DOCK3: variants seen among roughly 807,000 people sequenced by gnomAD.
DOCK3 encodes the protein dedicator of cytokinesis protein 3.
In DOCK3, 60 loss-of-function variants were observed where a neutral mutation model predicts 265.6. That is an observed-to-expected ratio of 0.23 (90% confidence interval 0.18 to 0.28). DOCK3 has a LOEUF of 0.28. DOCK3 is among the 10% of genes least tolerant of loss of function. The pLI, the probability that DOCK3 is intolerant of heterozygous loss-of-function variation, is 1.00. For missense variants in DOCK3, 1,981 were observed against 2,594.3 expected (o/e 0.76, Z 5.14); for synonymous variants, 881 against 938.0 (o/e 0.94, Z 1.11).
rs545875754 is a variant in DOCK3 at position 51,342,330 on chromosome 3, G to A, written c.3915+945G>A. On this transcript the variant is annotated intron_variant, in intron 38 of 52. Transcript: ENST00000266037. ...GGTAAGCAAGAACCTTTCCAAAAGC[G>A]CAGAAACTCTTATGTAACCTAGCCC... 7.2e-5 allele frequency among the ~76,000 whole-genome samples: 11 copies of A among 152,280 alleles called. No individual in the cohort carries two copies. The South Asian group carries it at 1.0e-3, about 14-fold the overall frequency.
At chr3:51,164,149 G>A (rs928408993) in intron 12 of DOCK3, among the ~76,000 whole-genome samples, 2 of 152,082 alleles carry the variant, frequency 1.3e-5, no homozygotes, top group East Asian at 3.8e-4. Flanking sequence ...CATTTAACAC[G>A]TCAATTTGGT....
At chr3:50,710,964 A>G (rs2036725195) in intron 1 of DOCK3, among the ~76,000 whole-genome samples, 1 of 152,210 alleles carries the variant, frequency 6.6e-6, no homozygotes, top group Non-Finnish European at 1.5e-5. Context: ...TGAGGATGTA[A>G]AGACATAAGA....
intron 5 of DOCK3, among the ~76,000 whole-genome samples, chr3:51,007,085 T>C (rs999411976): frequency 2.0e-5 from 3 of 152,182 alleles, no homozygotes; most frequent in African/African-American, 4.8e-5. Flanking sequence ...AATAAACATA[T>C]GTGTGCATGT....
At position 51,228,749 on chromosome 3, in the gene DOCK3, C is replaced by A. The variant is rs762439178; in HGVS notation, c.1736C>A (p.Pro579His). The A allele has an allele frequency of 1.2e-6, 2 of 1,613,976 alleles. No homozygotes were observed. The highest frequency in any genetic ancestry group is 1.7e-6 in the Non-Finnish European group (2 of 1,179,880). The stretch of plus-strand genomic sequence containing the variant: ...GACTACAATGGCTGCCCTAATATTC[C>A]TTCTAGCCTCATCTTCCAGCGCAGC... ...KEDYNGCPNIPSSLIFQRSTK... is the reference protein window; with the variant it reads ...KEDYNGCPNIHSSLIFQRSTK... Residue 579 changes from proline to histidine, a missense_variant, in exon 18 of 53, where the codon CCT (proline) becomes CAT (histidine). Around this residue, in one of 4 missense-constraint regions of DOCK3, gnomAD observed 1,357 missense variants for 1,866.8 expected, o/e 0.73. Transcript: ENST00000266037.
intron 2 of DOCK3, among the ~76,000 whole-genome samples, chr3:50,833,101 A>G (rs1576584976): frequency 6.6e-6 from 1 of 152,172 alleles, no homozygotes; most frequent in African/African-American, 2.4e-5. Context: ...TGGGGCTGCT[A>G]GCTGATCCCA....
At chr3:50,849,657 G>A (rs1225170258) in intron 3 of DOCK3, among the ~76,000 whole-genome samples, 1 of 152,142 alleles carries the variant, frequency 6.6e-6, no homozygotes, top group Non-Finnish European at 1.5e-5. Context: ...ATAAAGAATA[G>A]CAATGAAGAC....
chr3:51,046,425 G>A (rs1372395008), intron 5 of DOCK3, among the ~76,000 whole-genome samples: 2 of 152,124 alleles, frequency 1.3e-5, no homozygotes, highest in African/African-American at 4.8e-5. Flanking sequence ...AACCTAAAGA[G>A]AGCAAAGGTA....
At chr3:51,141,338 T>C (rs1383356068) in intron 9 of DOCK3, among the ~76,000 whole-genome samples, 1 of 151,824 alleles carries the variant, frequency 6.6e-6, no homozygotes, top group Admixed American at 6.6e-5. Flanking sequence ...GTATAATTTA[T>C]TGAAGCCCTA....
At chr3:51,085,164 C>A (rs1466665954) in intron 7 of DOCK3, among the ~76,000 whole-genome samples, 1 of 152,124 alleles carries the variant, frequency 6.6e-6, no homozygotes, top group Non-Finnish European at 1.5e-5. Context: ...TACCACAGCA[C>A]CCAGATATAT....
At chr3:50,804,304 A>G (rs1275099976) in intron 2 of DOCK3, among the ~76,000 whole-genome samples, 7 of 147,884 alleles carry the variant, frequency 4.7e-5, no homozygotes, top group Non-Finnish European at 9.0e-5. Context: ...ATGGGTGGCC[A>G]GGCAGAGACG....
chr3:51,350,416 A>T (rs9311468), intron 40 of DOCK3, 24 bp downstream of exon 40: 2 of 1,600,182 alleles, frequency 1.2e-6, no homozygotes, highest in South Asian at 2.3e-5. Context: ...GATGGTCACA[A>T]GAACTTATAT....
intron 5 of DOCK3, among the ~76,000 whole-genome samples, chr3:50,976,596 G>A (rs970393423): frequency 5.3e-5 from 8 of 149,578 alleles, no homozygotes; most frequent in Non-Finnish European, 1.2e-4. Context: ...GTGTGGTGTG[G>A]TGCTGAAAAA....
At chr3:51,193,377 CGTT>C (rs145822332) in intron 12 of DOCK3, among the ~76,000 whole-genome samples, 2,965 of 152,128 alleles carry the variant, frequency 0.019, 49 homozygotes, top group Non-Finnish European at 0.032. Flanking sequence ...ATATAGTTTT[CGTT>C]GTTGTTGTTG....
At chr3:51,276,312 A>G in intron 25 of DOCK3, 3 of 964,692 alleles carry the variant, frequency 3.1e-6, no homozygotes, top group Non-Finnish European at 3.7e-6. Context: ...ACCAGGCCTC[A>G]GAGAAGCCAC....
chr3:51,356,609 G>A, intron 43 of DOCK3, 116 bp downstream of exon 43: 1 of 1,003,560 alleles, frequency 1.0e-6, no homozygotes, highest in Non-Finnish European at 1.5e-6. Context: ...CCTGGCCAAG[G>A]CTCCCACAGG....
intron 23 of DOCK3, among the ~76,000 whole-genome samples, chr3:51,264,233 T>G (rs1395867732): frequency 1.3e-5 from 2 of 152,032 alleles, no homozygotes; most frequent in Non-Finnish European, 2.9e-5. Context: ...TACAATCAAA[T>G]TAGAACTCAG....
At chr3:51,164,733 T>G (rs887793630) in intron 12 of DOCK3, among the ~76,000 whole-genome samples, 16 of 151,950 alleles carry the variant, frequency 1.1e-4, no homozygotes, top group African/African-American at 3.9e-4. Context: ...CCACAAAAAT[T>G]AAAAATGTAA....
intron 12 of DOCK3, among the ~76,000 whole-genome samples, chr3:51,205,952 A>G (rs1237609588): frequency 2.0e-5 from 3 of 152,200 alleles, no homozygotes; most frequent in Admixed American, 1.3e-4. Flanking sequence ...ATTTCAAACA[A>G]TCTTTCCTTT....
At chr3:50,801,182 T>C (rs1179352045) in intron 2 of DOCK3, among the ~76,000 whole-genome samples, 1 of 152,124 alleles carries the variant, frequency 6.6e-6, no homozygotes, top group Non-Finnish European at 1.5e-5. Flanking sequence ...AGCACACACC[T>C]GGACAAGGGA....
Sources: allele counts gnomAD v4.1 joint callset (sites outside exome capture counted in the v4.1 genomes callset), GRCh38; gene constraint gnomAD v4.1.1; regional missense constraint gnomAD v4.1.1; transcripts MANE v1.5; gene names NCBI Gene and HGNC (gene_info 2026-07-23, HGNC 2026-07-21).